The following REEP5 variants were observed in gnomAD, a reference collection of about 807,000 sequenced individuals.
REEP5 encodes receptor expression-enhancing protein 5.
In REEP5, 24 loss-of-function variants were observed where a neutral mutation model predicts 22.4. The observed-to-expected ratio is 1.07, with a 90% confidence interval of 0.78 to 1.51. REEP5 has a LOEUF of 1.51. Ranked by LOEUF, REEP5 falls within the 40% of genes most tolerant of loss-of-function variation. The pLI is 0.00. For missense variants in REEP5, 252 were observed against 233.0 expected (o/e 1.08, Z -0.53); for synonymous variants, 103 against 88.6 (o/e 1.16, Z -0.92).
rs1768273270 is a variant in REEP5 at position 112,887,063 on chromosome 5, C to A, written c.472G>T (p.Asp158Tyr). The change falls in exon 4 of 5, where the codon GAC becomes TAC. Residue 158 changes from aspartate (D) to tyrosine (Y), a missense_variant. By Grantham distance (160) the Asp-to-Tyr change is radical (BLOSUM62 -3). Transcript: ENST00000379638. ...GTCTCTTTGGCCTTGTCTTTAAGGT[C>A]CTTGACCACACTGTCCATCTGGGAC... The part of the protein sequence containing the change: ...HESQMDSVVK[D>Y]LKDKAKETAD... 4 of 1,613,476 alleles carry A rather than the reference C, an allele frequency of 2.5e-6. No individual in the cohort carries two copies. Among genetic ancestry groups the A allele is most frequent in the Non-Finnish European group, 3.4e-6 (4 of 1,179,684 alleles).
chr5:112,911,005 C>T (rs183339933), intron 2 of REEP5, among the ~76,000 whole-genome samples: 75 of 152,282 alleles, frequency 4.9e-4, no homozygotes, highest in Non-Finnish European at 7.5e-4. Flanking sequence ...TAAGGGTATC[C>T]ATGTGACACA....
chr5:112,878,948 A>C, intron 4 of REEP5, 113 bp from the exon 5 acceptor site: 1 of 1,521,112 alleles, frequency 6.6e-7, no homozygotes, highest in Non-Finnish European at 9.0e-7. Context: ...TGGATGACTC[A>C]TGTTCAGGTG....
At chr5:112,915,376 G>A (rs921058185) in intron 2 of REEP5, among the ~76,000 whole-genome samples, 5 of 152,096 alleles carry the variant, frequency 3.3e-5, no homozygotes, top group Non-Finnish European at 7.4e-5. Flanking sequence ...ACAGGCAAGC[G>A]GGCGAACCTT....
intron 3 of REEP5, among the ~76,000 whole-genome samples, chr5:112,901,970 GA>G (rs796149854): frequency 0.045 from 3,019 of 67,532 alleles, 83 homozygotes; most frequent in African/African-American, 0.14. Context: ...CTCAAAAAAA[GA>G]AAAAAAAAAA....
At chr5:112,921,449 C>T in intron 1 of REEP5, 193 bp from the exon 2 acceptor site, 1 of 611,960 alleles carries the variant, frequency 1.6e-6, no homozygotes, top group Non-Finnish European at 2.9e-6. Context: ...TCTGGGGATA[C>T]CAGGCAGCCC....
chr5:112,902,943 A>G (rs2150044375), intron 2 of REEP5, among the ~76,000 whole-genome samples: 1 of 152,342 alleles, frequency 6.6e-6, no homozygotes, highest in East Asian at 1.9e-4. Flanking sequence ...ATGGGTGAAT[A>G]AGAATTTCCC....
Position 112,876,498 on chromosome 5 carries a change from G to C in REEP5, c.*2288C>G, listed in dbSNP as rs1767898607. On this transcript the variant is annotated 3_prime_UTR_variant, in exon 5 of 5. Coordinates refer to ENST00000379638, the MANE Select transcript of REEP5 (RefSeq NM_005669.5). ...TGCTCATTTTCTTCAGCTGTGAGTAGAGGAGTCTTCCCGAGAGTAGCAGTT... is the reference window on the plus strand; with the variant it reads ...TGCTCATTTTCTTCAGCTGTGAGTACAGGAGTCTTCCCGAGAGTAGCAGTT... 1 of 152,202 alleles carries C rather than the reference G, an allele frequency of 6.6e-6. No homozygotes were observed. The highest frequency in any genetic ancestry group is 1.5e-5 in the Non-Finnish European group (1 of 68,042). The allele number at this position is 152,202 out of a possible 1,614,324, so 9.4% of individuals were successfully genotyped here. A position where few individuals can be genotyped will look rare whatever the true frequency, so the allele number is the denominator to read the frequency against.
At chr5:112,908,170 G>A (rs553181262) in intron 2 of REEP5, among the ~76,000 whole-genome samples, 9 of 143,564 alleles carry the variant, frequency 6.3e-5, no homozygotes, top group Middle Eastern at 3.8e-3. Context: ...GCACGATCTC[G>A]GCTCACTGCA....
intron 3 of REEP5, among the ~76,000 whole-genome samples, chr5:112,898,802 G>C (rs1043649366): frequency 6.6e-6 from 1 of 152,116 alleles, no homozygotes; most frequent in East Asian, 1.9e-4. Flanking sequence ...TTTTATAAAT[G>C]TTAAATGACT....
chr5:112,905,753 T>C (rs1033367493), intron 2 of REEP5, among the ~76,000 whole-genome samples: 1 of 151,978 alleles, frequency 6.6e-6, no homozygotes, highest in Non-Finnish European at 1.5e-5. Context: ...CTCCAGTAGC[T>C]GGGACTACAG....
Position 112,887,918 on chromosome 5 carries a change from A to G in REEP5, c.352-735T>C, listed in dbSNP as rs576868368. 3.3e-5 allele frequency among the ~76,000 whole-genome samples: 5 copies of G among 152,322 alleles called. No homozygotes were observed. The East Asian group carries it at 7.7e-4, about 23-fold the overall frequency. Reference sequence around the variant, plus strand: ...CTCGTCACTTCAAGTCATCCATGCAATTTACTCCTTTTTAAGATAAAAAGA... The same window carrying G: ...CTCGTCACTTCAAGTCATCCATGCAGTTTACTCCTTTTTAAGATAAAAAGA... On this transcript the variant is annotated intron_variant, in intron 3 of 4. Coordinates refer to ENST00000379638, the MANE Select transcript of REEP5 (RefSeq NM_005669.5).
At chr5:112,889,667 A>G (rs990757581) in intron 3 of REEP5, among the ~76,000 whole-genome samples, 2 of 150,558 alleles carry the variant, frequency 1.3e-5, no homozygotes, top group East Asian at 4.0e-4. Flanking sequence ...CAAAATCTGC[A>G]ATCATAGATT....
intron 3 of REEP5, chr5:112,894,780 T>C (rs1768627678): frequency 6.6e-6 from 1 of 152,246 alleles, no homozygotes; most frequent in South Asian, 2.1e-4. Context: ...ATGTAATACA[T>C]TAAAATTTTT....
chr5:112,894,131 T>C (rs1480894484), intron 3 of REEP5: 1 of 151,350 alleles, frequency 6.6e-6, no homozygotes, highest in Non-Finnish European at 1.5e-5. Flanking sequence ...TTTGTTTTTT[T>C]TTTTTTTTTG....
intron 3 of REEP5, chr5:112,894,778 C>G (rs963087348): frequency 2.6e-5 from 4 of 152,150 alleles, no homozygotes; most frequent in Admixed American, 2.0e-4. Flanking sequence ...ACATGTAATA[C>G]ATTAAAATTT....
intron 3 of REEP5, 91 bp from the exon 4 acceptor site, chr5:112,887,274 G>T: frequency 8.3e-7 from 1 of 1,202,902 alleles, no homozygotes. Flanking sequence ...CTGGGGATGG[G>T]AGATGCCTCT....
At chr5:112,894,993 C>T (rs1189990875) in intron 3 of REEP5, 1 of 149,160 alleles carries the variant, frequency 6.7e-6, no homozygotes, top group African/African-American at 2.5e-5. Context: ...AATCCCAGCA[C>T]TTTAGGAGGC....
chr5:112,921,169 T>C lies in REEP5; in HGVS notation c.206A>G (p.Tyr69Cys), dbSNP rs774702472. Residue 69 changes from tyrosine (Y) to cysteine (C), a missense_variant, in exon 2 of 5, where the codon TAC (tyrosine) becomes TGC (cysteine). Transcript: ENST00000379638. ...TGCAGGGTGTGTCACTTACGAGATG[T>C]AGGCTGGGTAGCCAAATCCTATCAG... ...CNLIGFGYPA[Y>C]ISIKAIESPN... 3.7e-6 allele frequency: 6 copies of C among 1,613,862 alleles called. No homozygotes were observed. The highest frequency in any genetic ancestry group is 3.3e-5 in the South Asian group (3 of 91,066).
intron 2 of REEP5, among the ~76,000 whole-genome samples, chr5:112,909,882 T>A (rs545244185): frequency 6.6e-6 from 1 of 152,352 alleles, no homozygotes; most frequent in Admixed American, 6.5e-5. Context: ...TGGAATCTCC[T>A]TCCCAAATTA....
Sources: gnomAD v4.1 joint callset for allele counts (sites outside exome capture counted in the v4.1 genomes callset) on GRCh38, gnomAD v4.1.1 for gene constraint, MANE v1.5 for transcripts, NCBI Gene and HGNC (gene_info 2026-07-23, HGNC 2026-07-21) for gene names.